Variants in SLC25A26 observed in about 807,000 individuals in gnomAD.
The protein encoded by SLC25A26 is mitochondrial S-adenosylmethionine carrier protein.
SLC25A26 carries 36 observed loss-of-function variants against 37.8 expected under a neutral mutation model. The ratio of observed to expected loss-of-function variants is 0.95; its 90% CI spans 0.73 to 1.26. The LOEUF is 1.26. Among genes scored for constraint, SLC25A26 ranks in the 50% most tolerant of loss-of-function variants. The pLI is 0.00. For synonymous variants in SLC25A26, 129 were observed against 122.5 expected, an observed-to-expected ratio of 1.05 and a Z score of -0.35; for missense variants, 390 against 331.1, an observed-to-expected ratio of 1.18 and a Z score of -1.38.
At chr3:66,211,198 T>C (rs2071280169) in intron 1 of SLC25A26, among the ~76,000 whole-genome samples, 1 of 152,212 alleles carries the variant, frequency 6.6e-6, no homozygotes, top group Non-Finnish European at 1.5e-5. Context: ...TTCAAGAATA[T>C]TGATGTTCGA....
intron 1 of SLC25A26, among the ~76,000 whole-genome samples, chr3:66,205,512 T>A (rs1200693919): frequency 6.6e-6 from 1 of 152,212 alleles, no homozygotes; most frequent in African/African-American, 2.4e-5. Flanking sequence ...GGGTCTTGTG[T>A]CTACCCGCAC....
At chr3:66,214,257 AC>A (rs1452210834) in intron 1 of SLC25A26, among the ~76,000 whole-genome samples, 1 of 151,778 alleles carries the variant, frequency 6.6e-6, no homozygotes, top group African/African-American at 2.4e-5. Context: ...TGACATGCCT[AC>A]CCCCACCCCA....
chr3:66,257,905 C>T (rs17823785), intron 3 of SLC25A26, among the ~76,000 whole-genome samples: 8,408 of 152,222 alleles, frequency 0.055, 301 homozygotes, highest in Middle Eastern at 0.088. Context: ...TTCATATGTG[C>T]GCTGCTCGAG....
intron 3 of SLC25A26, among the ~76,000 whole-genome samples, chr3:66,243,670 C>T (rs1281675921): frequency 1.3e-5 from 2 of 152,152 alleles, no homozygotes; most frequent in East Asian, 1.9e-4. Flanking sequence ...ATTTCCTTTC[C>T]GAAATAGTTT....
At chr3:66,335,242 A>C (rs985338347) in intron 5 of SLC25A26, among the ~76,000 whole-genome samples, 2 of 151,496 alleles carry the variant, frequency 1.3e-5, no homozygotes, top group South Asian at 2.1e-4. Context: ...GTAGATCTCA[A>C]CATCTGGATG....
At chr3:66,315,313 T>C (rs2075506491) in intron 5 of SLC25A26, among the ~76,000 whole-genome samples, 1 of 152,210 alleles carries the variant, frequency 6.6e-6, no homozygotes, top group African/African-American at 2.4e-5. Context: ...GAGATTCTGA[T>C]ACGTTGTTTC....
chr3:66,361,126 A>C (rs1035988513), intron 6 of SLC25A26, among the ~76,000 whole-genome samples: 1 of 152,246 alleles, frequency 6.6e-6, no homozygotes, highest in Non-Finnish European at 1.5e-5. Flanking sequence ...CAAAAGCAAG[A>C]GGGCAGTTCA....
chr3:66,305,370 G>A (rs55948668), intron 5 of SLC25A26, among the ~76,000 whole-genome samples: 31,930 of 152,064 alleles, frequency 0.21, 4,144 homozygotes, highest in East Asian at 0.58. Context: ...TATAAAAAAT[G>A]GAATTCCTGG....
intron 5 of SLC25A26, among the ~76,000 whole-genome samples, chr3:66,263,759 C>T (rs576697571): frequency 2.0e-5 from 3 of 152,134 alleles, no homozygotes; most frequent in East Asian, 2.0e-4. Flanking sequence ...CCCAGGTTCA[C>T]GCCATTCTCC....
intron 5 of SLC25A26, among the ~76,000 whole-genome samples, chr3:66,264,435 G>T (rs1174600773): frequency 6.6e-6 from 1 of 152,208 alleles, no homozygotes; most frequent in African/African-American, 2.4e-5. Flanking sequence ...GTACTAGTCT[G>T]TGGCCTGTTA....
chr3:66,260,108 T>C (rs2073464459), intron 3 of SLC25A26, among the ~76,000 whole-genome samples: 2 of 152,202 alleles, frequency 1.3e-5, no homozygotes, highest in Non-Finnish European at 2.9e-5. Flanking sequence ...GGTTCTATAA[T>C]GGTGTAATCT....
At chr3:66,221,172 C>G in intron 1 of SLC25A26, 45 bp downstream of exon 1, 1 of 1,499,900 alleles carries the variant, frequency 6.7e-7, no homozygotes. Context: ...TGCCGGCGTC[C>G]GGCATTGGAG....
chr3:66,216,810 T>C (rs2071368609), upstream of SLC25A26, among the ~76,000 whole-genome samples: 1 of 152,158 alleles, frequency 6.6e-6, no homozygotes. Flanking sequence ...GCTTACCACA[T>C]TGCCTGTATC....
At chr3:66,278,722 C>A (rs761119929) in intron 5 of SLC25A26, among the ~76,000 whole-genome samples, 20 of 152,144 alleles carry the variant, frequency 1.3e-4, no homozygotes, top group Non-Finnish European at 2.6e-4. Context: ...CTGCATCTTA[C>A]AACTTTCTCT....
At chr3:66,369,050 CAAAA>C (rs962307090) in intron 7 of SLC25A26, among the ~76,000 whole-genome samples, 1 of 18,718 alleles carries the variant, frequency 5.3e-5, no homozygotes, top group Non-Finnish European at 1.0e-4. Flanking sequence ...AAAACAAAAA[CAAAA>C]AAAAAAAACA....
chr3:66,215,576 G>A (rs2071348689), intron 1 of SLC25A26, among the ~76,000 whole-genome samples: 2 of 152,128 alleles, frequency 1.3e-5, no homozygotes, highest in African/African-American at 4.8e-5. Flanking sequence ...CTTCTAAATG[G>A]TTAGCTGATA....
At chr3:66,255,438 A>G (rs1008787400) in intron 3 of SLC25A26, among the ~76,000 whole-genome samples, 19 of 152,010 alleles carry the variant, frequency 1.2e-4, no homozygotes, top group African/African-American at 4.3e-4. Context: ...ATATTTTGGC[A>G]TATTTAAGGA....
In SLC25A26 at chr3:66,343,009, A is replaced by G. The variant is rs2076243921; in HGVS notation, c.454-3355A>G. Among the ~76,000 whole-genome samples, 3 of 152,234 alleles carry G rather than the reference A, an allele frequency of 2.0e-5. No individual in the cohort carries two copies. In the South Asian group the frequency reaches 6.2e-4, roughly 31 times the overall value. The stretch of plus-strand genomic sequence containing the variant: ...TTTGGAATATAAGAGCTCTGAGTGC[A>G]GCTATTCATTTTCTTCATCTATAAA... On this transcript the variant is annotated intron_variant, in intron 5 of 9. Transcript: ENST00000354883.
At chr3:66,164,897 G>C (rs575185525) in intron 1 of SLC25A26, among the ~76,000 whole-genome samples, 1 of 152,094 alleles carries the variant, frequency 6.6e-6, no homozygotes, top group Non-Finnish European at 1.5e-5. Flanking sequence ...TAATTATAAC[G>C]CAGTGGGACA....
Sources: gnomAD v4.1 joint callset for allele counts (sites outside exome capture counted in the v4.1 genomes callset) on GRCh38, gnomAD v4.1.1 for gene constraint, MANE v1.5 for transcripts, NCBI Gene and HGNC (gene_info 2026-07-23, HGNC 2026-07-21) for gene names.